The following OSBPL6 variants were observed in gnomAD, a reference collection of about 807,000 sequenced individuals.
OSBPL6 encodes oxysterol-binding protein-related protein 6.
Under a neutral mutation model 125.8 loss-of-function variants are expected in OSBPL6, and 49 were observed. The ratio of observed to expected loss-of-function variants is 0.39; its 90% CI spans 0.31 to 0.49. The LOEUF (loss-of-function observed/expected upper bound fraction) is 0.49, where lower values mean the gene tolerates loss of function less well. OSBPL6 is among the 20% of genes least tolerant of loss of function. The probability of loss-of-function intolerance (pLI) is 0.88; values close to 1 mark genes in which losing one functional copy is unlikely to be tolerated. For missense variants in OSBPL6, 986 were observed against 1,135.4 expected (o/e 0.87, Z 1.89); for synonymous variants, 394 against 391.8 (o/e 1.01, Z -0.07).
intron 8 of OSBPL6, among the ~76,000 whole-genome samples, 190 bp downstream of exon 8, chr2:178,333,231 A>G (rs1689385447): frequency 6.6e-6 from 1 of 152,114 alleles, no homozygotes; most frequent in Non-Finnish European, 1.5e-5. Flanking sequence ...CTAAAAACAC[A>G]AAAATTTGTC....
rs544376357 is a variant in OSBPL6 at position 178,347,536 on chromosome 2, G to T, written c.988-1688G>T. On this transcript the variant is annotated intron_variant, in intron 11 of 24. Coordinates refer to ENST00000190611, the MANE Select transcript of OSBPL6 (RefSeq NM_032523.4). Reference sequence around the variant, plus strand: ...CTAGATTGAGCATCACCACAGTTAGGGTCTGAACTTCCTTTCTCTGTCTTC... The same window carrying T: ...CTAGATTGAGCATCACCACAGTTAGTGTCTGAACTTCCTTTCTCTGTCTTC... Among the ~76,000 whole-genome samples the T allele has an allele frequency of 2.0e-5, 3 of 152,112 alleles. No homozygotes were observed. The South Asian group carries it at 6.2e-4, about 32-fold the overall frequency.
At chr2:178,363,964 G>A (rs1460826527) in intron 13 of OSBPL6, among the ~76,000 whole-genome samples, 1 of 152,210 alleles carries the variant, frequency 6.6e-6, no homozygotes, top group African/African-American at 2.4e-5. Flanking sequence ...GTGTGTCCAT[G>A]CCTTCCCCTC....
Position 178,342,984 on chromosome 2 carries a change from T to G in OSBPL6, c.987+3220T>G, listed in dbSNP as rs542002028. Among the ~76,000 whole-genome samples, 25 of 152,316 alleles carry G rather than the reference T, an allele frequency of 1.6e-4. No homozygotes were observed. The East Asian group carries it at 3.1e-3, about 19-fold the overall frequency. On this transcript the variant is annotated intron_variant, in intron 11 of 24. Transcript: ENST00000190611. ...AAGGATTTTGTCTAGAAATTTTTTT[T>G]TGTGGAAAACAGATTATGTGTGTAT...
At chr2:178,269,387 C>T (rs2092322600) in intron 1 of OSBPL6, among the ~76,000 whole-genome samples, 1 of 152,146 alleles carries the variant, frequency 6.6e-6, no homozygotes, top group Non-Finnish European at 1.5e-5. Flanking sequence ...TTTTAATGGG[C>T]ATAAATACTC....
chr2:178,276,457 CT>C (rs1462840767), intron 1 of OSBPL6, among the ~76,000 whole-genome samples: 2 of 149,372 alleles, frequency 1.3e-5, no homozygotes, highest in African/African-American at 4.9e-5. Flanking sequence ...ACTGCAACCT[CT>C]GCCTGCCGGG....
intron 15 of OSBPL6, among the ~76,000 whole-genome samples, chr2:178,379,337 AG>A (rs1694228220): frequency 4.2e-5 from 1 of 23,880 alleles, no homozygotes; most frequent in African/African-American, 1.1e-4. Flanking sequence ...AAAGGAAGGG[AG>A]GGAGGGAGGG....
intron 1 of OSBPL6, among the ~76,000 whole-genome samples, chr2:178,221,289 T>C (rs80175895): frequency 0.013 from 2,036 of 152,328 alleles, 39 homozygotes; most frequent in African/African-American, 0.046. Flanking sequence ...GTTGTTTAAA[T>C]TTGGGTGACC....
At chr2:178,380,517 A>C (rs942789318) in intron 15 of OSBPL6, among the ~76,000 whole-genome samples, 1 of 151,768 alleles carries the variant, frequency 6.6e-6, no homozygotes, top group African/African-American at 2.4e-5. Context: ...GTAAATACTA[A>C]AAAAGATGGA....
intron 1 of OSBPL6, among the ~76,000 whole-genome samples, chr2:178,253,865 T>C (rs1454690711): frequency 1.3e-5 from 2 of 151,924 alleles, no homozygotes; most frequent in Non-Finnish European, 2.9e-5. Context: ...CTTTAAGAGG[T>C]GATTGAGTCA....
intron 15 of OSBPL6, among the ~76,000 whole-genome samples, chr2:178,381,813 G>T (rs4491754): frequency 0.074 from 11,263 of 152,030 alleles, 763 homozygotes; most frequent in East Asian, 0.19. Context: ...AACCCTTTTT[G>T]TTGGCATGAA....
chr2:178,307,481 A>G (rs906977201), intron 3 of OSBPL6, among the ~76,000 whole-genome samples: 3 of 152,154 alleles, frequency 2.0e-5, no homozygotes, highest in Non-Finnish European at 4.4e-5. Context: ...GAGTTCAAAG[A>G]CGACACCTAT....
intron 1 of OSBPL6, among the ~76,000 whole-genome samples, chr2:178,217,406 G>A (rs978320062): frequency 6.6e-6 from 1 of 152,192 alleles, no homozygotes; most frequent in African/African-American, 2.4e-5. Context: ...TCAGTGGGAT[G>A]GTGAAGTGGC....
In OSBPL6 at chr2:178,347,666, C is replaced by A. The variant is rs113120309; in HGVS notation, c.988-1558C>A. On this transcript the variant is annotated intron_variant, in intron 11 of 24. Coordinates refer to ENST00000190611, the MANE Select transcript of OSBPL6 (RefSeq NM_032523.4). ...GACAGGATTCCAGCAGAGTATTGAA[C>A]CCCAGCACTCCATTTTCTTAAATGG... Among the ~76,000 whole-genome samples the A allele has an allele frequency of 4.7e-3, 717 of 152,282 alleles. 7 individuals carry two copies. The highest frequency in any genetic ancestry group is 0.016 in the African/African-American group (679 of 41,538).
rs1415152374 is a variant in OSBPL6, at chr2:178,401,510, G to T, written c.*5951G>T. ...TATTCCTTATATCCGGAGCCTAAAA[G>T]TTTGCTCAAAAGTAGAAAACTTTCC... is the stretch of plus-strand genomic sequence containing the variant. On this transcript the variant is annotated 3_prime_UTR_variant, in exon 25 of 25. Transcript: ENST00000190611. 2 of 152,164 alleles carry T rather than the reference G, an allele frequency of 1.3e-5. No individual in the cohort carries two copies. Among genetic ancestry groups the T allele is most frequent in the Admixed American group, 6.5e-5 (1 of 15,276 alleles). 9.4% of individuals were successfully genotyped at this position (152,164 alleles called of 1,614,324 possible).
intron 6 of OSBPL6, 121 bp from the exon 7 acceptor site, chr2:178,332,520 G>T (rs1689293142): frequency 4.2e-6 from 3 of 708,786 alleles, no homozygotes; most frequent in South Asian, 1.8e-5. Context: ...TGTTAAGGAG[G>T]TATATGTAGT....
At chr2:178,305,170 G>C (rs957406333) in intron 2 of OSBPL6, among the ~76,000 whole-genome samples, 1 of 152,168 alleles carries the variant, frequency 6.6e-6, no homozygotes, top group Admixed American at 6.5e-5. Flanking sequence ...CCTTCTTCTT[G>C]TAAGAGGATA....
intron 1 of OSBPL6, among the ~76,000 whole-genome samples, chr2:178,207,487 C>A (rs1352625056): frequency 6.6e-6 from 1 of 152,158 alleles, no homozygotes; most frequent in Non-Finnish European, 1.5e-5. Context: ...TCTCTCTTAG[C>A]CATATAAGGT....
At chr2:178,391,817 T>C (rs1358630924) in intron 22 of OSBPL6, among the ~76,000 whole-genome samples, 4 of 152,230 alleles carry the variant, frequency 2.6e-5, no homozygotes, top group Admixed American at 2.6e-4. Context: ...CTAACTAAAA[T>C]TAGTTGTTAG....
chr2:178,317,287 A>G (rs1462500612), intron 3 of OSBPL6, among the ~76,000 whole-genome samples: 1 of 151,154 alleles, frequency 6.6e-6, no homozygotes, highest in Non-Finnish European at 1.5e-5. Context: ...AGTATGAAGG[A>G]TATTATGCCA....
Sources: gnomAD v4.1 joint callset for allele counts (sites outside exome capture counted in the v4.1 genomes callset) on GRCh38, gnomAD v4.1.1 for gene constraint, MANE v1.5 for transcripts, NCBI Gene and HGNC (gene_info 2026-07-23, HGNC 2026-07-21) for gene names.